Variants in CDH13 observed in about 807,000 individuals in gnomAD.
CDH13 encodes the protein cadherin 13, also known as cadherin-13.
Under a neutral mutation model 63.8 loss-of-function variants are expected in CDH13, and 24 were observed. The observed-to-expected ratio is 0.38, with a 90% CI of 0.27 to 0.53. The LOEUF is 0.53. Among genes scored for constraint, CDH13 ranks in the 20% least tolerant of loss-of-function variants. The probability of loss-of-function intolerance (pLI) is 0.85; values close to 1 mark genes in which losing one functional copy is unlikely to be tolerated. For missense variants in CDH13, 1,049 were observed against 903.1 expected, an observed-to-expected ratio of 1.16 and a Z score of -2.07; for synonymous variants, 503 against 355.3, an observed-to-expected ratio of 1.42 and a Z score of -4.67.
intron 3 of CDH13, among the ~76,000 whole-genome samples, chr16:83,045,488 T>G (rs1197125540): frequency 1.3e-5 from 2 of 151,636 alleles, no homozygotes; most frequent in Non-Finnish European, 2.9e-5. Context: ...AATACAAAAA[T>G]TATCCAGGCG....
At chr16:83,488,561 T>C (rs1331190168) in intron 7 of CDH13, among the ~76,000 whole-genome samples, 2 of 151,980 alleles carry the variant, frequency 1.3e-5, no homozygotes, top group East Asian at 1.9e-4. Context: ...AAGTAATGAG[T>C]CCATTATATT....
At chr16:83,374,557 G>T (rs2091427778) in intron 6 of CDH13, among the ~76,000 whole-genome samples, 1 of 152,188 alleles carries the variant, frequency 6.6e-6, no homozygotes, top group Non-Finnish European at 1.5e-5. Flanking sequence ...ATTGTACATT[G>T]TCAAAGCGTA....
intron 11 of CDH13, among the ~76,000 whole-genome samples, chr16:83,763,980 C>A (rs972316075): frequency 1.3e-5 from 2 of 152,304 alleles, no homozygotes; most frequent in East Asian, 1.9e-4. Context: ...GAGAGACTTA[C>A]ACTCTCTCAG....
chr16:82,893,216 T>G (rs1326497743), intron 2 of CDH13, among the ~76,000 whole-genome samples: 1 of 152,236 alleles, frequency 6.6e-6, no homozygotes, highest in Non-Finnish European at 1.5e-5. Context: ...AAAGTCTCAG[T>G]TTTTAATACC....
chr16:83,315,508 A>G (rs2151889619), intron 5 of CDH13, among the ~76,000 whole-genome samples: 1 of 152,128 alleles, frequency 6.6e-6, no homozygotes, highest in East Asian at 1.9e-4. Context: ...CTAACTGGTG[A>G]TGATATTGTC....
chr16:83,399,790 C>A (rs1267231872), intron 6 of CDH13, among the ~76,000 whole-genome samples: 1 of 152,104 alleles, frequency 6.6e-6, no homozygotes, highest in Admixed American at 6.5e-5. Context: ...TTGCTTTGTC[C>A]TCACCATTTT....
At chr16:82,791,328 C>A (rs949972051) in intron 1 of CDH13, among the ~76,000 whole-genome samples, 1 of 151,916 alleles carries the variant, frequency 6.6e-6, no homozygotes, top group East Asian at 1.9e-4. Flanking sequence ...TCAGCTCACA[C>A]CCAACAAATC....
chr16:82,860,487 G>T (rs2039900385), intron 2 of CDH13, among the ~76,000 whole-genome samples: 1 of 151,690 alleles, frequency 6.6e-6, no homozygotes, highest in African/African-American at 2.4e-5. Context: ...TGCTAAATGG[G>T]ACTAGGTTCA....
intron 2 of CDH13, among the ~76,000 whole-genome samples, chr16:82,977,673 G>A (rs1453143578): frequency 1.3e-5 from 2 of 152,166 alleles, no homozygotes; most frequent in Non-Finnish European, 2.9e-5. Flanking sequence ...TCTCAGGTAT[G>A]TCTTTATTAG....
intron 3 of CDH13, among the ~76,000 whole-genome samples, chr16:83,122,465 CT>C (rs2035624864): frequency 6.6e-6 from 1 of 152,202 alleles, no homozygotes; most frequent in African/African-American, 2.4e-5. Flanking sequence ...GACAGTGTCA[CT>C]CCAATAACTG....
chr16:82,898,086 T>C (rs752669333), intron 2 of CDH13, among the ~76,000 whole-genome samples: 4 of 152,194 alleles, frequency 2.6e-5, no homozygotes, highest in Admixed American at 6.5e-5. Flanking sequence ...AAAGAAAAAA[T>C]TATTTTTAAA....
chr16:82,713,745 C>G (rs931461579), intron 1 of CDH13, among the ~76,000 whole-genome samples: 2 of 145,816 alleles, frequency 1.4e-5, no homozygotes, highest in Non-Finnish European at 3.0e-5. Context: ...TCACCTAGGT[C>G]TCTGACTAAT....
chr16:83,011,812 C>G (rs1914188379), intron 2 of CDH13, among the ~76,000 whole-genome samples: 1 of 152,218 alleles, frequency 6.6e-6, no homozygotes, highest in African/African-American at 2.4e-5. Context: ...AGCAAGTGTT[C>G]AGTTCAGCAG....
chr16:83,498,583 G>A (rs1190121411), intron 7 of CDH13, among the ~76,000 whole-genome samples: 1 of 152,170 alleles, frequency 6.6e-6, no homozygotes, highest in African/African-American at 2.4e-5. Context: ...GACTTTGATA[G>A]GAATCTAATG....
chr16:83,037,039 A>G (rs1032318006), intron 3 of CDH13, among the ~76,000 whole-genome samples: 5 of 152,252 alleles, frequency 3.3e-5, no homozygotes, highest in African/African-American at 1.2e-4. Flanking sequence ...GAGCCACTGT[A>G]GGTTCTTAAG....
At chr16:83,157,152 T>C (rs906861594) in intron 4 of CDH13, among the ~76,000 whole-genome samples, 10 of 152,222 alleles carry the variant, frequency 6.6e-5, no homozygotes, top group Non-Finnish European at 1.5e-4. Flanking sequence ...ATTGACTTTT[T>C]AGATTAATTT....
chr16:82,987,490 C>T (rs536187299), intron 2 of CDH13, among the ~76,000 whole-genome samples: 10 of 152,264 alleles, frequency 6.6e-5, no homozygotes, highest in African/African-American at 2.2e-4. Flanking sequence ...AATTCTCCTG[C>T]CTCAGCCTCC....
intron 1 of CDH13, among the ~76,000 whole-genome samples, chr16:82,672,821 T>C (rs550681872): frequency 1.3e-4 from 19 of 147,814 alleles, no homozygotes; most frequent in African/African-American, 4.5e-4. Flanking sequence ...ACACACAAAA[T>C]ATATATATTT....
At chr16:82,869,194 G>A (rs2040257387) in intron 2 of CDH13, among the ~76,000 whole-genome samples, 1 of 152,086 alleles carries the variant, frequency 6.6e-6, no homozygotes, top group Non-Finnish European at 1.5e-5. Flanking sequence ...CTACAGAAGT[G>A]CACCACCACG....
Sources: gnomAD v4.1 joint callset for allele counts (sites outside exome capture counted in the v4.1 genomes callset) on GRCh38, gnomAD v4.1.1 for gene constraint, MANE v1.5 for transcripts, NCBI Gene and HGNC (gene_info 2026-07-23, HGNC 2026-07-21) for gene names.